The following DPYD variants were observed in gnomAD, a reference collection of about 807,000 sequenced individuals.
DPYD encodes dihydropyrimidine dehydrogenase [NADP(+)].
In DPYD, 109 loss-of-function variants were observed where a neutral mutation model predicts 116.2. The ratio of observed to expected loss-of-function variants is 0.94; its 90% CI spans 0.80 to 1.10. The LOEUF (loss-of-function observed/expected upper bound fraction) is 1.10. DPYD is among the 50% of genes least tolerant of loss of function. The probability of loss-of-function intolerance (pLI) is 0.00; values close to 1 mark genes in which losing one functional copy is unlikely to be tolerated. For synonymous variants in DPYD, 440 were observed against 432.0 expected (o/e 1.02, Z -0.23); for missense variants, 1,302 against 1,254.5 (o/e 1.04, Z -0.57).
At chr1:97,467,124 G>C (rs1413956384) in intron 13 of DPYD, among the ~76,000 whole-genome samples, 1 of 152,178 alleles carries the variant, frequency 6.6e-6, no homozygotes, top group African/African-American at 2.4e-5. Context: ...TTCTCTCATA[G>C]AAACTAACGA....
intron 12 of DPYD, among the ~76,000 whole-genome samples, chr1:97,547,146 T>G (rs1231661286): frequency 6.6e-6 from 1 of 152,182 alleles, no homozygotes; most frequent in Non-Finnish European, 1.5e-5. Context: ...TGAAAAATGT[T>G]AAGGCTTACT....
intron 8 of DPYD, among the ~76,000 whole-genome samples, chr1:97,621,789 G>A (rs891480599): frequency 1.3e-5 from 2 of 151,720 alleles, no homozygotes; most frequent in Non-Finnish European, 2.9e-5. Flanking sequence ...ATCTTGTAGG[G>A]CCAGAAATTA....
chr1:97,861,176 A>G (rs1033972867), intron 2 of DPYD, among the ~76,000 whole-genome samples: 9 of 152,082 alleles, frequency 5.9e-5, no homozygotes, highest in Non-Finnish European at 1.0e-4. Context: ...ACTATTTTGT[A>G]CTAGTAAAAG....
chr1:97,317,113 T>C (rs987930975), intron 16 of DPYD, among the ~76,000 whole-genome samples: 1 of 151,946 alleles, frequency 6.6e-6, no homozygotes, highest in African/African-American at 2.4e-5. Context: ...TCCTTTATAC[T>C]GGGCCAAAAA....
chr1:97,578,365 G>A (rs981351754), intron 10 of DPYD, among the ~76,000 whole-genome samples: 42 of 151,916 alleles, frequency 2.8e-4, no homozygotes, highest in East Asian at 3.9e-4. Flanking sequence ...CTTTGTCTCC[G>A]TGCTGTGGTG....
At chr1:97,214,260 A>G (rs1034053422) in intron 19 of DPYD, among the ~76,000 whole-genome samples, 5 of 152,162 alleles carry the variant, frequency 3.3e-5, no homozygotes, top group Non-Finnish European at 7.3e-5. Context: ...AAACTATTAT[A>G]AAATTGCACA....
At chr1:97,523,782 C>G (rs188590931) in intron 12 of DPYD, among the ~76,000 whole-genome samples, 1 of 152,110 alleles carries the variant, frequency 6.6e-6, no homozygotes, top group African/African-American at 2.4e-5. Context: ...AAAAGTCAGT[C>G]CTGTTGTCCT....
At chr1:97,640,106 A>G (rs1657800999) in intron 8 of DPYD, among the ~76,000 whole-genome samples, 2 of 152,190 alleles carry the variant, frequency 1.3e-5, no homozygotes, top group Admixed American at 1.3e-4. Context: ...AACTCATTAA[A>G]ATGTTTAAAT....
At chr1:97,547,444 C>G (rs1434702553) in intron 12 of DPYD, among the ~76,000 whole-genome samples, 1 of 152,116 alleles carries the variant, frequency 6.6e-6, no homozygotes, top group Non-Finnish European at 1.5e-5. Flanking sequence ...AAGACTGGAG[C>G]CTGAACCACT....
intron 16 of DPYD, among the ~76,000 whole-genome samples, chr1:97,372,822 G>A (rs982088752): frequency 6.6e-6 from 1 of 151,788 alleles, no homozygotes; most frequent in Non-Finnish European, 1.5e-5. Context: ...TCCAGGACTA[G>A]ACAATCCGTC....
chr1:97,418,306 AT>A (rs71311934), intron 14 of DPYD, among the ~76,000 whole-genome samples: 2,635 of 144,010 alleles, frequency 0.018, 65 homozygotes, highest in African/African-American at 0.06. Flanking sequence ...ATATAAGATG[AT>A]TTTTTTTTTT....
intron 20 of DPYD, among the ~76,000 whole-genome samples, chr1:97,115,591 A>G (rs184104155): frequency 5.6e-4 from 86 of 152,324 alleles, no homozygotes; most frequent in African/African-American, 2.0e-3. Flanking sequence ...AATTTTCTAC[A>G]GTGAGCACAC....
intron 2 of DPYD, among the ~76,000 whole-genome samples, chr1:97,873,407 A>C (rs1007688827): frequency 6.6e-5 from 10 of 151,910 alleles, no homozygotes; most frequent in African/African-American, 2.4e-4. Flanking sequence ...ATTAATGCCC[A>C]AAAATATTCA....
intron 16 of DPYD, among the ~76,000 whole-genome samples, chr1:97,348,685 A>C (rs960448815): frequency 2.0e-5 from 3 of 152,172 alleles, no homozygotes; most frequent in Non-Finnish European, 4.4e-5. Context: ...GGAAAATATT[A>C]ATATACAAGG....
intron 5 of DPYD, among the ~76,000 whole-genome samples, chr1:97,715,616 G>A (rs1316040331): frequency 6.6e-6 from 1 of 151,928 alleles, no homozygotes; most frequent in Non-Finnish European, 1.5e-5. Flanking sequence ...TGCTGTACTG[G>A]ACTGATTATT....
intron 18 of DPYD, among the ~76,000 whole-genome samples, chr1:97,288,909 G>C (rs948228601): frequency 1.1e-4 from 16 of 151,962 alleles, no homozygotes; most frequent in African/African-American, 3.6e-4. Context: ...CTGGTTTTTT[G>C]AAAGGATCAA....
At chr1:97,356,944 G>C (rs1032626283) in intron 16 of DPYD, among the ~76,000 whole-genome samples, 3 of 152,178 alleles carry the variant, frequency 2.0e-5, no homozygotes, top group African/African-American at 7.2e-5. Context: ...TTCAGAATCA[G>C]TTAGTATGAT....
chr1:97,492,016 T>C (rs1444664697), intron 13 of DPYD, among the ~76,000 whole-genome samples: 1 of 152,158 alleles, frequency 6.6e-6, no homozygotes, highest in Non-Finnish European at 1.5e-5. Flanking sequence ...AAAGATCTCT[T>C]CTGATACTGT....
At chr1:97,596,190 T>C (rs188159706) in intron 8 of DPYD, among the ~76,000 whole-genome samples, 16 of 152,186 alleles carry the variant, frequency 1.1e-4, no homozygotes, top group African/African-American at 3.6e-4. Context: ...TGGTATAAGA[T>C]TGTAATCAAA....
Sources: gnomAD v4.1 joint callset for allele counts (sites outside exome capture counted in the v4.1 genomes callset) on GRCh38, gnomAD v4.1.1 for gene constraint, MANE v1.5 for transcripts, NCBI Gene and HGNC (gene_info 2026-07-23, HGNC 2026-07-21) for gene names.